The following FSTL5 variants were observed in gnomAD, a reference collection of about 807,000 sequenced individuals.
FSTL5 encodes the protein follistatin like 5.
A neutral mutation model predicts 89.1 loss-of-function variants in FSTL5; 62 were observed. The ratio of observed to expected loss-of-function variants is 0.70; its 90% CI spans 0.57 to 0.86. The LOEUF is 0.86. Ranked by LOEUF, FSTL5 falls within the 40% of genes least tolerant of loss-of-function variation. The pLI, the probability that FSTL5 is intolerant of heterozygous loss-of-function variation, is 0.00. For missense variants in FSTL5, 1,057 were observed against 1,001.6 expected, an observed-to-expected ratio of 1.06 and a Z score of -0.75; for synonymous variants, 383 against 346.2, an observed-to-expected ratio of 1.11 and a Z score of -1.18.
intron 15 of FSTL5, among the ~76,000 whole-genome samples, chr4:161,448,526 A>AT (rs1578982029): frequency 6.6e-6 from 1 of 152,114 alleles, no homozygotes; most frequent in African/African-American, 2.4e-5. Context: ...CAGAATGTTT[A>AT]TTTTTCCCTT....
At chr4:161,732,280 A>AT (rs1297950918) in intron 6 of FSTL5, among the ~76,000 whole-genome samples, 2 of 152,076 alleles carry the variant, frequency 1.3e-5, no homozygotes, top group African/African-American at 4.8e-5. Flanking sequence ...TCATATGCAC[A>AT]TTTTTTATGA....
chr4:161,391,496 C>T (rs1730820986), intron 15 of FSTL5, among the ~76,000 whole-genome samples: 11 of 152,122 alleles, frequency 7.2e-5, no homozygotes, highest in Admixed American at 7.2e-4. Flanking sequence ...ACAGTATTTT[C>T]ATGGACATAA....
chr4:161,689,655 C>G (rs1185968796), intron 6 of FSTL5, among the ~76,000 whole-genome samples: 3 of 151,984 alleles, frequency 2.0e-5, no homozygotes, highest in Non-Finnish European at 4.4e-5. Flanking sequence ...GAGATTAAAT[C>G]CATATAACAT....
intron 3 of FSTL5, among the ~76,000 whole-genome samples, chr4:162,032,118 C>T (rs568598252): frequency 6.6e-6 from 1 of 152,178 alleles, no homozygotes; most frequent in South Asian, 2.1e-4. Flanking sequence ...CTTCAGATGA[C>T]ATGATTTATA....
chr4:161,572,080 C>A (rs868255962), intron 8 of FSTL5, among the ~76,000 whole-genome samples: 1 of 151,762 alleles, frequency 6.6e-6, no homozygotes, highest in Non-Finnish European at 1.5e-5. Context: ...GAGGCCGAGG[C>A]GGGTGGATCA....
intron 6 of FSTL5, among the ~76,000 whole-genome samples, chr4:161,680,100 T>C (rs1737465131): frequency 6.6e-6 from 1 of 151,926 alleles, no homozygotes; most frequent in Admixed American, 6.6e-5. Context: ...AATTGAAAGA[T>C]ACAATTTTAT....
chr4:161,412,662 A>C (rs1578953794), intron 15 of FSTL5, among the ~76,000 whole-genome samples: 1 of 152,184 alleles, frequency 6.6e-6, no homozygotes, highest in South Asian at 2.1e-4. Flanking sequence ...AAAACAAAAC[A>C]AAACAAAACC....
chr4:161,693,357 A>C (rs988880148), intron 6 of FSTL5, among the ~76,000 whole-genome samples: 6 of 152,124 alleles, frequency 3.9e-5, no homozygotes, highest in Non-Finnish European at 8.8e-5. Context: ...TTTTTGTAAG[A>C]TTTTGAGTAG....
intron 15 of FSTL5, among the ~76,000 whole-genome samples, chr4:161,427,206 T>C (rs1394964416): frequency 1.3e-5 from 2 of 152,218 alleles, no homozygotes; most frequent in Non-Finnish European, 2.9e-5. Context: ...AAATTTATTT[T>C]ATTAAACTTC....
At chr4:161,535,022 C>T (rs1270884502) in intron 10 of FSTL5, among the ~76,000 whole-genome samples, 2 of 152,188 alleles carry the variant, frequency 1.3e-5, no homozygotes, top group Admixed American at 1.3e-4. Context: ...TAGCCACATG[C>T]AGAAGAATGA....
At chr4:161,492,848 A>C (rs975048957) in intron 12 of FSTL5, among the ~76,000 whole-genome samples, 1 of 152,080 alleles carries the variant, frequency 6.6e-6, no homozygotes, top group Non-Finnish European at 1.5e-5. Flanking sequence ...AAATAATTAT[A>C]TAGTACATGG....
At chr4:162,119,639 C>A (rs1405407623) in intron 1 of FSTL5, among the ~76,000 whole-genome samples, 1 of 152,104 alleles carries the variant, frequency 6.6e-6, no homozygotes, top group Non-Finnish European at 1.5e-5. Flanking sequence ...GTTGCATATC[C>A]ATCACCTTAA....
intron 10 of FSTL5, among the ~76,000 whole-genome samples, chr4:161,514,010 A>G (rs1048983866): frequency 3.3e-5 from 5 of 152,196 alleles, no homozygotes; most frequent in African/African-American, 4.8e-5. Context: ...TTAATTTAAT[A>G]CATGATATTA....
chr4:161,808,146 G>GA (rs1730024714), intron 4 of FSTL5, among the ~76,000 whole-genome samples: 1 of 152,142 alleles, frequency 6.6e-6, no homozygotes, highest in South Asian at 2.1e-4. Context: ...AGTTTTTAGA[G>GA]AAAAGATTGT....
rs59009081 is a variant in FSTL5 at position 162,050,202 on chromosome 4, G to A, written c.127-16544C>T. ...GAAAGGTTTTTTAAAATGGCAATTA[G>A]GGTAGAAGAATAAATTCACAAATAC... On this transcript the variant is annotated intron_variant, in intron 2 of 15. Transcript: ENST00000306100. Among the ~76,000 whole-genome samples the A allele has an allele frequency of 5.1e-4, 77 of 151,662 alleles. 2 individuals are homozygous for A. In the East Asian group the frequency reaches 0.012, roughly 24 times the overall value.
At chr4:161,984,903 GCTTTAGAATATCTT>G (rs1427751096) in intron 3 of FSTL5, among the ~76,000 whole-genome samples, 1 of 151,716 alleles carries the variant, frequency 6.6e-6, no homozygotes, top group Admixed American at 6.6e-5. Flanking sequence ...CTAGAAATGG[GCTTTAGAATATCTT>G]TGTCTTATGT....
At chr4:161,573,371 C>T (rs571192266) in intron 8 of FSTL5, among the ~76,000 whole-genome samples, 26 of 144,410 alleles carry the variant, frequency 1.8e-4, no homozygotes, top group Non-Finnish European at 3.1e-4. Flanking sequence ...GATTGCACAA[C>T]TGTCCCTGAT....
intron 4 of FSTL5, among the ~76,000 whole-genome samples, chr4:161,879,366 T>A (rs1732552295): frequency 6.6e-6 from 1 of 152,188 alleles, no homozygotes; most frequent in South Asian, 2.1e-4. Context: ...CTGCAAATTA[T>A]TCATGACACA....
rs368625257 is a variant in FSTL5 at position 161,386,251 on chromosome 4, G to A, written c.2040C>T (p.Asp680=). The A allele has an allele frequency of 1.9e-5, 30 of 1,613,910 alleles. No homozygotes were observed. The highest frequency in any genetic ancestry group is 6.7e-5 in the African/African-American group (5 of 74,988). The part of the protein sequence containing the change: ...TGAVSPQVMV[D]GVTDSVIGFN... ...ACCCAATGACTGAGTCAGTTACACC[G>A]TCCACCATGACCTGTGGGGAAACTG... Residue 680 remains aspartate (D), a synonymous_variant, in exon 16 of 16, where the codon GAC becomes GAT. Transcript: ENST00000306100.
Sources: gnomAD v4.1 joint callset for allele counts (sites outside exome capture counted in the v4.1 genomes callset) on GRCh38, gnomAD v4.1.1 for gene constraint, MANE v1.5 for transcripts, NCBI Gene and HGNC (gene_info 2026-07-23, HGNC 2026-07-21) for gene names.